PJA2: variants seen among roughly 807,000 people sequenced by gnomAD.
PJA2 encodes E3 ubiquitin-protein ligase Praja-2.
In PJA2, 25 loss-of-function variants were observed where a neutral mutation model predicts 69.3. The observed-to-expected ratio is 0.36, with a 90% CI of 0.26 to 0.50. The LOEUF (loss-of-function observed/expected upper bound fraction) is 0.50. PJA2 is among the 20% of genes least tolerant of loss of function. The probability of loss-of-function intolerance (pLI) is 0.96; values close to 1 mark genes in which losing one functional copy is unlikely to be tolerated. For synonymous variants in PJA2, 308 were observed against 277.8 expected, an observed-to-expected ratio of 1.11 and a Z score of -1.08; for missense variants, 809 against 830.2, an observed-to-expected ratio of 0.97 and a Z score of 0.31.
intron 7 of PJA2, among the ~76,000 whole-genome samples, chr5:109,353,298 ATATC>A (rs1480764908): frequency 1.4e-5 from 2 of 140,690 alleles, no homozygotes; most frequent in Non-Finnish European, 3.1e-5. Flanking sequence ...TATATATTAG[ATATC>A]TATAATATCT....
chr5:109,363,054 T>A, intron 5 of PJA2, 32 bp from the exon 6 acceptor site: 1 of 1,525,750 alleles, frequency 6.6e-7, no homozygotes, highest in Non-Finnish European at 8.9e-7. Flanking sequence ...AAGAAAAAAA[T>A]ATTATTTTAA....
intron 1 of PJA2, among the ~76,000 whole-genome samples, chr5:109,401,525 G>A (rs1747548492): frequency 6.6e-6 from 1 of 152,000 alleles, no homozygotes. Flanking sequence ...ACTGACAGCA[G>A]AAAAAAGGAA....
chr5:109,375,231 C>A (rs1465628072), intron 4 of PJA2, among the ~76,000 whole-genome samples: 1 of 151,972 alleles, frequency 6.6e-6, no homozygotes. Flanking sequence ...AAATGCTGGC[C>A]GGGTGCAGTG....
At chr5:109,359,951 T>G (rs1762481875) in intron 6 of PJA2, among the ~76,000 whole-genome samples, 1 of 152,064 alleles carries the variant, frequency 6.6e-6, no homozygotes, top group African/African-American at 2.4e-5. Flanking sequence ...AACTTACTCA[T>G]AAGTGGGTCA....
intron 7 of PJA2, among the ~76,000 whole-genome samples, chr5:109,354,271 TA>T (rs1472668895): frequency 6.7e-6 from 1 of 148,188 alleles, no homozygotes; most frequent in African/African-American, 2.5e-5. Context: ...TGTCTAGAGA[TA>T]TCTATAGATT....
intron 5 of PJA2, among the ~76,000 whole-genome samples, chr5:109,367,817 G>C (rs1762610203): frequency 6.6e-6 from 1 of 152,166 alleles, no homozygotes; most frequent in Admixed American, 6.5e-5. Context: ...AATTCTTCAT[G>C]ATCAGGGCAA....
rs78567278 is a variant in PJA2 at position 109,392,927 on chromosome 5, T to C, written c.-87-9407A>G. Among the ~76,000 whole-genome samples the C allele has an allele frequency of 9.9e-4, 123 of 123,638 alleles. 1 individual carries two copies. In the East Asian group the frequency reaches 0.021, roughly 21 times the overall value. The allele number at this position is 123,638 out of a possible 152,430, so 81.1% of individuals were successfully genotyped here. ...CCAAAGAAAGGAGAAATCTTTACAA[T>C]GTTGGAGTAAAGAAAGATTTTTTTA... On this transcript the variant is annotated intron_variant, in intron 1 of 9. Transcript: ENST00000361189.
intron 7 of PJA2, among the ~76,000 whole-genome samples, chr5:109,346,592 T>C (rs564000511): frequency 3.3e-5 from 5 of 152,322 alleles, no homozygotes; most frequent in African/African-American, 9.6e-5. Context: ...AGGAAGGAAA[T>C]TCTAACACAT....
At chr5:109,365,431 C>T (rs1196975251) in intron 5 of PJA2, among the ~76,000 whole-genome samples, 1 of 152,032 alleles carries the variant, frequency 6.6e-6, no homozygotes, top group Non-Finnish European at 1.5e-5. Context: ...AATGTGCTAC[C>T]GGTTGCATAA....
At chr5:109,353,732 C>CTACAGACATCTATATAT (rs1447974827) in intron 7 of PJA2, among the ~76,000 whole-genome samples, 1 of 92,886 alleles carries the variant, frequency 1.1e-5, no homozygotes, top group Non-Finnish European at 2.0e-5. Context: ...ATACCTATAT[C>CTACAGACATCTATATAT]TAGATATCTA....
intron 9 of PJA2, among the ~76,000 whole-genome samples, chr5:109,343,173 T>C (rs1273944230): frequency 8.2e-6 from 1 of 121,922 alleles, no homozygotes; most frequent in Non-Finnish European, 1.7e-5. Flanking sequence ...GAAAAATTCC[T>C]CTCTCTTGGG....
chr5:109,379,371 AATTT>A, intron 3 of PJA2, 117 bp from the exon 4 acceptor site: 1 of 734,016 alleles, frequency 1.4e-6, no homozygotes, highest in Non-Finnish European at 2.2e-6. Flanking sequence ...TACATGAGTA[AATTT>A]ATTTACCAAG....
At chr5:109,370,403 A>C (rs1762657410) in intron 4 of PJA2, among the ~76,000 whole-genome samples, 1 of 152,236 alleles carries the variant, frequency 6.6e-6, no homozygotes. Flanking sequence ...CAAAAGATCA[A>C]GATGATATTA....
chr5:109,340,626 C>G (rs1319277274), intron 9 of PJA2, among the ~76,000 whole-genome samples: 2 of 50 alleles, frequency 0.04, no homozygotes, highest in South Asian at 0.5. Flanking sequence ...GTCCCTCCCC[C>G]TCCCCCTCCC....
At chr5:109,354,179 T>TTAGATATCTATGATATCTAGAGATGTCTA (rs1762350830) in intron 7 of PJA2, among the ~76,000 whole-genome samples, 1 of 101,560 alleles carries the variant, frequency 9.8e-6, no homozygotes, top group African/African-American at 2.9e-5. Flanking sequence ...TGTCTATAGA[T>TTAGATATCTATGATATCTAGAGATGTCTA]TAGATATCTA....
chr5:109,377,741 CTT>C (rs1472764085), intron 4 of PJA2, among the ~76,000 whole-genome samples: 1 of 151,966 alleles, frequency 6.6e-6, no homozygotes, highest in African/African-American at 2.4e-5. Flanking sequence ...AAAAAATAAA[CTT>C]AGTGATAGGA....
intron 1 of PJA2, among the ~76,000 whole-genome samples, chr5:109,400,688 C>T (rs1416340205): frequency 2.0e-5 from 3 of 151,940 alleles, no homozygotes; most frequent in African/African-American, 2.4e-5. Flanking sequence ...CTATAAAAAA[C>T]GAATGATATG....
chr5:109,353,734 AGATATCTAGATTAGATATCTAT>A (rs948148720), intron 7 of PJA2, among the ~76,000 whole-genome samples: 6 of 97,066 alleles, frequency 6.2e-5, no homozygotes, highest in South Asian at 5.0e-4. Context: ...ACCTATATCT[AGATATCTAGATTAGATATCTAT>A]GATATCTAGA....
At chr5:109,381,941 T>G (rs1016823240) in intron 2 of PJA2, among the ~76,000 whole-genome samples, 6 of 152,150 alleles carry the variant, frequency 3.9e-5, no homozygotes, top group Non-Finnish European at 7.3e-5. Context: ...GTTTTAAAAT[T>G]TGGTTTCTTT....
Sources: allele counts gnomAD v4.1 joint callset (sites outside exome capture counted in the v4.1 genomes callset), GRCh38; gene constraint gnomAD v4.1.1; transcripts MANE v1.5; gene names NCBI Gene and HGNC (gene_info 2026-07-23, HGNC 2026-07-21).